MSR1: variants seen among roughly 807,000 people sequenced by gnomAD.
MSR1 encodes macrophage scavenger receptor 1, also known as macrophage scavenger receptor types I and II.
MSR1 carries 53 observed loss-of-function variants against 47.2 expected under a neutral mutation model. The ratio of observed to expected loss-of-function variants is 1.12; its 90% CI spans 0.90 to 1.41. MSR1 has a LOEUF of 1.41. Among genes scored for constraint, MSR1 ranks in the 40% most tolerant of loss-of-function variants. The pLI is 0.00. For synonymous variants in MSR1, 239 were observed against 185.6 expected (o/e 1.29, Z -2.34); for missense variants, 786 against 546.9 (o/e 1.44, Z -4.36).
chr8:16,137,028 G>T (rs1800406505), intron 8 of MSR1, among the ~76,000 whole-genome samples: 1 of 129,526 alleles, frequency 7.7e-6, no homozygotes. Flanking sequence ...TACTAAGAAA[G>T]TACATTATGG....
At chr8:16,182,210 T>C (rs1801852723) in intron 1 of MSR1, among the ~76,000 whole-genome samples, 1 of 152,128 alleles carries the variant, frequency 6.6e-6, no homozygotes. Flanking sequence ...AGAAATGCAG[T>C]AAAAATATGG....
intron 8 of MSR1, among the ~76,000 whole-genome samples, chr8:16,125,080 C>T (rs76191478): frequency 0.034 from 5,215 of 152,158 alleles, 147 homozygotes; most frequent in Middle Eastern, 0.085. Context: ...TCTCCAAATA[C>T]GAGCTTTTGG....
chr8:16,155,221 T>C, intron 5 of MSR1, 77 bp from the exon 6 acceptor site: 2 of 1,034,874 alleles, frequency 1.9e-6, no homozygotes, highest in Non-Finnish European at 3.0e-6. Flanking sequence ...AAGGTACTTA[T>C]ATAAGGAAAT....
At chr8:16,125,642 T>A (rs193166395) in intron 8 of MSR1, among the ~76,000 whole-genome samples, 1 of 152,152 alleles carries the variant, frequency 6.6e-6, no homozygotes, top group African/African-American at 2.4e-5. Flanking sequence ...ACATATGTAG[T>A]AAATGCACAA....
chr8:16,186,124 C>T (rs138811220), intron 1 of MSR1: 5 of 1,501,202 alleles, frequency 3.3e-6, no homozygotes, highest in Non-Finnish European at 4.5e-6. Context: ...AAATGAAAGT[C>T]CCTGAGTGCA....
In MSR1 at chr8:16,183,555, T is replaced by A. The variant is rs923944558; in HGVS notation, c.-4-5563A>T. ...GTAATACATATTTATATATACATTATATAATATATAATTTATATTATGTTA... is the reference window on the plus strand; with the variant it reads ...GTAATACATATTTATATATACATTAAATAATATATAATTTATATTATGTTA... On this transcript the variant is annotated intron_variant, in intron 1 of 9. Coordinates refer to ENST00000262101, the MANE Select transcript of MSR1 (RefSeq NM_138715.3). Among the ~76,000 whole-genome samples, 7 of 145,274 alleles carry A rather than the reference T, an allele frequency of 4.8e-5. No homozygotes were observed. The East Asian group carries it at 1.4e-3, about 28-fold the overall frequency.
intron 8 of MSR1, among the ~76,000 whole-genome samples, chr8:16,132,394 A>T (rs1041634198): frequency 1.3e-5 from 2 of 152,114 alleles, no homozygotes; most frequent in Non-Finnish European, 2.9e-5. Context: ...TTGGGTCAAG[A>T]CTATGGGGTT....
chr8:16,143,632 A>G, intron 7 of MSR1, 21 bp from the exon 8 acceptor site: 2 of 1,605,174 alleles, frequency 1.2e-6, no homozygotes, highest in Admixed American at 1.7e-5. Flanking sequence ...GAAGAAAAAT[A>G]TTTGTTTTTA....
intron 6 of MSR1, among the ~76,000 whole-genome samples, chr8:16,153,394 G>T (rs775765159): frequency 6.6e-6 from 1 of 151,910 alleles, no homozygotes; most frequent in East Asian, 1.9e-4. Flanking sequence ...AAACAAAATG[G>T]TAACCTGATA....
At chr8:16,110,251 T>C (rs773606811) in intron 9 of MSR1, 33 bp from the exon 10 acceptor site, 3 of 1,610,892 alleles carry the variant, frequency 1.9e-6, no homozygotes, top group East Asian at 2.2e-5. Flanking sequence ...CATTAGTAAG[T>C]TTAGAGTTTA....
chr8:16,120,017 A>G (rs887541553), intron 9 of MSR1, among the ~76,000 whole-genome samples: 4 of 151,920 alleles, frequency 2.6e-5, no homozygotes, highest in African/African-American at 9.7e-5. Flanking sequence ...TACCAAGCCT[A>G]GACTATGTTC....
chr8:16,179,239 G>T (rs908409149), intron 1 of MSR1, among the ~76,000 whole-genome samples: 2 of 152,120 alleles, frequency 1.3e-5, no homozygotes, highest in African/African-American at 4.8e-5. Context: ...GGATCTGAAT[G>T]ATCTGATTTG....
intron 4 of MSR1, among the ~76,000 whole-genome samples, chr8:16,165,713 G>C (rs1445706951): frequency 6.6e-6 from 1 of 152,110 alleles, no homozygotes; most frequent in Non-Finnish European, 1.5e-5. Context: ...GACTAGACAA[G>C]CTTAGGTGAG....
chr8:16,169,914 T>A (rs999257830), intron 3 of MSR1, among the ~76,000 whole-genome samples: 7 of 152,138 alleles, frequency 4.6e-5, no homozygotes. Flanking sequence ...TCTAAAATAG[T>A]ATTTTAGGAA....
chr8:16,167,869 C>T (rs150918323), intron 4 of MSR1, among the ~76,000 whole-genome samples: 5 of 152,168 alleles, frequency 3.3e-5, no homozygotes, highest in African/African-American at 9.6e-5. Context: ...TATCCCAATA[C>T]CCTTTGATAT....
chr8:16,123,483 G>A (rs751124699), intron 8 of MSR1, among the ~76,000 whole-genome samples: 16 of 150,534 alleles, frequency 1.1e-4, no homozygotes, highest in African/African-American at 3.4e-4. Flanking sequence ...AATGTCTGTC[G>A]TTTCTTTGGC....
rs1046389078 is a variant in MSR1 at position 16,108,750 on chromosome 8, A to G, written c.*1335T>C. The stretch of plus-strand genomic sequence containing the variant: ...TTACAGTAATTCCAATTCCAAGGTA[A>G]GGTTTTGCCTTTTTAAGTTGGACGG... On this transcript the variant is annotated 3_prime_UTR_variant, in exon 10 of 10. Transcript: ENST00000262101. 6.6e-6 allele frequency: 1 copy of G among 152,102 alleles called. No homozygotes were observed. Among genetic ancestry groups the G allele is most frequent in the Non-Finnish European group, 1.5e-5 (1 of 67,992 alleles). 9.4% of individuals were successfully genotyped at this position (152,102 alleles called of 1,614,324 possible). A position where few individuals can be genotyped will look rare whatever the true frequency, so the allele number is the denominator to read the frequency against.
chr8:16,114,225 C>G (rs80001475), intron 9 of MSR1, among the ~76,000 whole-genome samples: 1 of 89,090 alleles, frequency 1.1e-5, no homozygotes, highest in Non-Finnish European at 3.1e-5. Flanking sequence ...TTCTGTTTAC[C>G]CTTACATTTT....
At chr8:16,113,275 A>C (rs893628274) in intron 9 of MSR1, among the ~76,000 whole-genome samples, 1 of 152,006 alleles carries the variant, frequency 6.6e-6, no homozygotes, top group African/African-American at 2.4e-5. Context: ...TAAAAAATGA[A>C]AGATACTGAT....
Sources: gnomAD v4.1 joint callset for allele counts (sites outside exome capture counted in the v4.1 genomes callset) on GRCh38, gnomAD v4.1.1 for gene constraint, MANE v1.5 for transcripts, NCBI Gene and HGNC (gene_info 2026-07-23, HGNC 2026-07-21) for gene names.